COL5A2: variants seen among roughly 807,000 people sequenced by gnomAD.
COL5A2 encodes the protein collagen type V alpha 2 chain.
Under a neutral mutation model 208.2 loss-of-function variants are expected in COL5A2, and 23 were observed. That is an observed-to-expected ratio of 0.11 (90% CI 0.08 to 0.16). COL5A2 has a LOEUF of 0.16. Among genes scored for constraint, COL5A2 ranks in the 10% least tolerant of loss-of-function variants. COL5A2 has a pLI of 1.00. For missense variants in COL5A2, 1,590 were observed against 1,956.4 expected (o/e 0.81, Z 3.53); for synonymous variants, 625 against 628.5 (o/e 0.99, Z 0.08).
At chr2:189,278,594 C>T in the COL5A2 span, among the ~76,000 whole-genome samples, 2 of 151,990 alleles carry the variant, frequency 1.3e-5, no homozygotes, top group Non-Finnish European at 2.9e-5. Context: ...TTTCTTATAT[C>T]CTGTTTGGCA....
At chr2:189,440,984 T>C in the COL5A2 span, among the ~76,000 whole-genome samples, 1 of 152,074 alleles carries the variant, frequency 6.6e-6, no homozygotes, top group Non-Finnish European at 1.5e-5. Context: ...GAACGGCTAA[T>C]GAGAGGAACA....
In COL5A2 at chr2:189,110,361, A is replaced by G. The variant is rs142832916; in HGVS notation, c.186T>C (p.Cys62=). Residue 62 remains cysteine (C), a synonymous_variant, in exon 2 of 54, where the codon TGT becomes TGC. Transcript: ENST00000374866. ...DIWKPAPCQI[C]VCDNGAILCD... The stretch of plus-strand genomic sequence containing the variant: ...AGAGAATGGCTCCATTGTCACAGAC[A>G]CAGATCTGACAAGGGGCAGGTTTCC... 238 of 1,614,160 alleles carry G rather than the reference A, an allele frequency of 1.5e-4. No individual in the cohort carries two copies. In the African/African-American group the frequency reaches 2.0e-3, roughly 14 times the overall value.
chr2:189,206,666 A>G (rs1363090183), intron 1 of COL5A2, among the ~76,000 whole-genome samples: 1 of 152,198 alleles, frequency 6.6e-6, no homozygotes, highest in Non-Finnish European at 1.5e-5. Flanking sequence ...TACCTGAAAC[A>G]GTATCTGCCC....
chr2:189,375,642 G>T, the COL5A2 span, among the ~76,000 whole-genome samples: 1 of 152,114 alleles, frequency 6.6e-6, no homozygotes, highest in Non-Finnish European at 1.5e-5. Context: ...TAGAGTACAC[G>T]TATAGGTCTG....
At chr2:189,047,217 C>T (rs761232427) in intron 45 of COL5A2, among the ~76,000 whole-genome samples, 5 of 151,960 alleles carry the variant, frequency 3.3e-5, no homozygotes, top group Non-Finnish European at 5.9e-5. Context: ...TTTAAAAGGG[C>T]GATGGCAACT....
At chr2:189,039,190 T>C in intron 51 of COL5A2, 82 bp downstream of exon 51, 5 of 1,498,700 alleles carry the variant, frequency 3.3e-6, no homozygotes, top group Non-Finnish European at 4.6e-6. Context: ...AAGTAGAAAG[T>C]CAGTAACATA....
At chr2:189,042,636 A>G in intron 49 of COL5A2, 84 bp downstream of exon 49, 3 of 1,327,154 alleles carry the variant, frequency 2.3e-6, no homozygotes, top group Non-Finnish European at 2.1e-6. Context: ...CTTCAATACC[A>G]GGAAAACGAT....
intron 18 of COL5A2, among the ~76,000 whole-genome samples, chr2:189,070,543 T>C (rs1426903256): frequency 6.6e-6 from 1 of 152,158 alleles, no homozygotes; most frequent in Admixed American, 6.5e-5. Context: ...CAGTTTTCAG[T>C]AGCCAACAAC....
intron 1 of COL5A2, among the ~76,000 whole-genome samples, chr2:189,146,202 T>A (rs1180787089): frequency 2.0e-5 from 3 of 151,996 alleles, no homozygotes; most frequent in African/African-American, 7.2e-5. Context: ...AAAAGTTCAG[T>A]GGGAAGTGAA....
intron 1 of COL5A2, among the ~76,000 whole-genome samples, chr2:189,193,912 A>G (rs1013154053): frequency 1.2e-4 from 18 of 152,314 alleles, no homozygotes; most frequent in Non-Finnish European, 2.1e-4. Context: ...CAATCACGAG[A>G]AAGCCAGATA....
the COL5A2 span, among the ~76,000 whole-genome samples, chr2:189,381,218 T>G: frequency 6.6e-6 from 1 of 151,984 alleles, no homozygotes; most frequent in Non-Finnish European, 1.5e-5. Flanking sequence ...ACTTAAAACT[T>G]TTTACCATTT....
chr2:189,247,422 A>G, the COL5A2 span, among the ~76,000 whole-genome samples: 1 of 152,248 alleles, frequency 6.6e-6, no homozygotes, highest in South Asian at 2.1e-4. Context: ...TTCAAGATTC[A>G]CAACACATAT....
the COL5A2 span, among the ~76,000 whole-genome samples, chr2:189,415,079 G>T: frequency 6.6e-6 from 1 of 152,074 alleles, no homozygotes; most frequent in Non-Finnish European, 1.5e-5. Flanking sequence ...AGTCTCTTAA[G>T]TTAAAAACTT....
At chr2:189,404,649 C>T in the COL5A2 span, among the ~76,000 whole-genome samples, 1 of 152,322 alleles carries the variant, frequency 6.6e-6, no homozygotes, top group South Asian at 2.1e-4. Flanking sequence ...AATAAATCTC[C>T]TCATCCACAT....
the COL5A2 span, among the ~76,000 whole-genome samples, chr2:189,287,593 G>C: frequency 2.0e-5 from 3 of 152,122 alleles, no homozygotes; most frequent in South Asian, 6.2e-4. Flanking sequence ...TGTACCCATG[G>C]AACAAGGAAA....
At chr2:189,091,172 G>C (rs138544728) in intron 7 of COL5A2, among the ~76,000 whole-genome samples, 3 of 152,132 alleles carry the variant, frequency 2.0e-5, no homozygotes, top group Admixed American at 1.3e-4. Context: ...GACTGCATTG[G>C]GGGAAGTAAT....
At chr2:189,379,876 T>A in the COL5A2 span, among the ~76,000 whole-genome samples, 1 of 152,128 alleles carries the variant, frequency 6.6e-6, no homozygotes, top group Admixed American at 6.5e-5. Context: ...TTTGTTAAGA[T>A]TTAAACATTG....
At chr2:189,352,928 C>T in the COL5A2 span, among the ~76,000 whole-genome samples, 1 of 152,082 alleles carries the variant, frequency 6.6e-6, no homozygotes, top group Non-Finnish European at 1.5e-5. Flanking sequence ...TTAGGTCTTA[C>T]GTTTAAGTCT....
At chr2:189,294,036 T>C in the COL5A2 span, among the ~76,000 whole-genome samples, 1 of 142,832 alleles carries the variant, frequency 7.0e-6, no homozygotes, top group Non-Finnish European at 1.5e-5. Flanking sequence ...TGCAGTGAGC[T>C]GAGATCATGA....
Sources: gnomAD v4.1 joint callset for allele counts (sites outside exome capture counted in the v4.1 genomes callset) on GRCh38, gnomAD v4.1.1 for gene constraint, MANE v1.5 for transcripts, NCBI Gene and HGNC (gene_info 2026-07-23, HGNC 2026-07-21) for gene names.